DNAH5: variants seen among roughly 807,000 people sequenced by gnomAD.
DNAH5 encodes the protein dynein axonemal heavy chain 5, also known as axonemal beta dynein heavy chain 5.
Under a neutral mutation model 518.2 loss-of-function variants are expected in DNAH5, and 372 were observed. The observed-to-expected ratio is 0.72, with a 90% CI of 0.66 to 0.78. The LOEUF is 0.78. DNAH5 is among the 30% of genes least tolerant of loss of function. The probability of loss-of-function intolerance (pLI) is 0.00; values close to 1 mark genes in which losing one functional copy is unlikely to be tolerated. For missense variants in DNAH5, 5,523 were observed against 5,687.0 expected, an observed-to-expected ratio of 0.97 and a Z score of 0.93; for synonymous variants, 2,039 against 2,025.9, an observed-to-expected ratio of 1.01 and a Z score of -0.17.
At chr5:13,771,225 T>C (rs955522678) in intron 55 of DNAH5, 3 of 492,670 alleles carry the variant, frequency 6.1e-6, no homozygotes, top group African/African-American at 5.8e-5. Context: ...TGCCTGGTGC[T>C]TGTGCAGAGA....
intron 1 of DNAH5, among the ~76,000 whole-genome samples, chr5:14,006,003 C>T (rs2152087469): frequency 1.3e-5 from 2 of 152,228 alleles, no homozygotes; most frequent in Middle Eastern, 6.8e-3. Context: ...CCTGCAGCCC[C>T]CTGTTCCAAA....
intron 58 of DNAH5, among the ~76,000 whole-genome samples, chr5:13,766,591 C>G (rs546469894): frequency 1.3e-5 from 2 of 152,344 alleles, no homozygotes; most frequent in South Asian, 4.1e-4. Flanking sequence ...ATCTGCCTCT[C>G]TCTCTTAAAC....
At chr5:13,808,427 G>A (rs1403910620) in intron 46 of DNAH5, among the ~76,000 whole-genome samples, 2 of 151,982 alleles carry the variant, frequency 1.3e-5, no homozygotes, top group Non-Finnish European at 2.9e-5. Flanking sequence ...CCTAGGCTGC[G>A]GTATTTGGTT....
chr5:13,873,303 T>A (rs993944315), intron 22 of DNAH5, among the ~76,000 whole-genome samples: 1 of 152,184 alleles, frequency 6.6e-6, no homozygotes, highest in African/African-American at 2.4e-5. Context: ...ACTATAGTGT[T>A]ATTAAATATG....
chr5:13,892,407 A>G (rs1773378369), intron 16 of DNAH5, among the ~76,000 whole-genome samples: 1 of 152,210 alleles, frequency 6.6e-6, no homozygotes, highest in African/African-American at 2.4e-5. Flanking sequence ...AGTGTCCCAG[A>G]TTATCTATAC....
intron 25 of DNAH5, among the ~76,000 whole-genome samples, chr5:13,866,953 C>T: frequency 6.6e-6 from 1 of 152,084 alleles, no homozygotes; most frequent in Admixed American, 6.6e-5. Context: ...ATATGGACTC[C>T]GTGGGGGCAA....
intron 1 of DNAH5, among the ~76,000 whole-genome samples, chr5:13,977,854 C>T (rs545717565): frequency 1.3e-5 from 2 of 152,224 alleles, no homozygotes; most frequent in South Asian, 4.2e-4. Flanking sequence ...GATTTTCTTC[C>T]CTTTATCTTA....
chr5:13,721,440 G>A (rs1579908557), intron 70 of DNAH5, among the ~76,000 whole-genome samples, 195 bp from the exon 71 acceptor site: 1 of 152,082 alleles, frequency 6.6e-6, no homozygotes, highest in Admixed American at 6.6e-5. Context: ...AAACTGTGTT[G>A]CTTACCCAGT....
chr5:13,901,483 A>G lies in DNAH5; in HGVS notation c.1821T>C (p.Tyr607=), dbSNP rs1201876255. Residue 607 remains tyrosine, a synonymous_variant, in exon 14 of 79, where the codon TAT becomes TAC. Coordinates refer to ENST00000265104, the MANE Select transcript of DNAH5 (RefSeq NM_001369.3). ...GADIDMISKL[Y]TKQKYDPPLA... is the part of the protein sequence containing the mutation. ...GAGGAGGATCGTATTTCTGCTTTGT[A>G]TACAGCTTTGAAATCATATCAATGT... 1.9e-6 allele frequency: 3 copies of G among 1,613,904 alleles called. No individual in the cohort carries two copies. The South Asian group carries it at 3.3e-5, about 18-fold the overall frequency.
At chr5:13,833,442 C>CAA (rs59325595) in intron 35 of DNAH5, among the ~76,000 whole-genome samples, 9 of 119,578 alleles carry the variant, frequency 7.5e-5, no homozygotes, top group African/African-American at 9.4e-5. Context: ...GACTCCTTCC[C>CAA]AAAAAAAAAA....
At chr5:13,869,896 C>G (rs1194539218) in intron 24 of DNAH5, among the ~76,000 whole-genome samples, 1 of 152,008 alleles carries the variant, frequency 6.6e-6, no homozygotes, top group Non-Finnish European at 1.5e-5. Context: ...AAGGAGACTC[C>G]TTAGAAAGAG....
rs2151960990 is a variant in DNAH5, at chr5:13,900,197, G to C, written c.2259+9C>G. 5 of 1,607,268 alleles carry C rather than the reference G, an allele frequency of 3.1e-6. No homozygotes were observed. The highest frequency in any genetic ancestry group is 4.3e-6 in the Non-Finnish European group (5 of 1,173,892). ...CCAAGAATGGGGGGAAAAAATAAAA[G>C]TAGTATACCTTCATGTTACTGAAGT... On this transcript the variant is annotated intron_variant, in intron 15 of 78. Transcript: ENST00000265104.
chr5:13,767,356 A>G (rs1419766840), intron 58 of DNAH5, among the ~76,000 whole-genome samples: 6 of 152,078 alleles, frequency 3.9e-5, no homozygotes, highest in Non-Finnish European at 7.4e-5. Context: ...AACTCCTGAC[A>G]TCAGGTGATC....
chr5:13,843,961 T>C lies in DNAH5; in HGVS notation c.5271+876A>G, dbSNP rs11957540. Among the ~76,000 whole-genome samples, 1,352 of 152,304 alleles carry C rather than the reference T, an allele frequency of 8.9e-3. 20 individuals carry two copies. Among genetic ancestry groups the C allele is most frequent in the African/African-American group, 0.031 (1,294 of 41,570 alleles). On this transcript the variant is annotated intron_variant, in intron 32 of 78. Transcript: ENST00000265104. ...TACATAAAACTGACTTCAGCGTTGATCATGATACACCCTTCCTGGGAACCC... is the reference window on the plus strand; with the variant it reads ...TACATAAAACTGACTTCAGCGTTGACCATGATACACCCTTCCTGGGAACCC...
intron 2 of DNAH5, among the ~76,000 whole-genome samples, chr5:13,929,818 C>T (rs1439903942): frequency 2.0e-5 from 3 of 152,172 alleles, no homozygotes; most frequent in Non-Finnish European, 4.4e-5. Context: ...GAACTTTTGC[C>T]TGCTTCTTCC....
At chr5:13,947,873 G>A (rs925133760), upstream of DNAH5, among the ~76,000 whole-genome samples, 36 of 152,290 alleles carry the variant, frequency 2.4e-4, no homozygotes, top group African/African-American at 7.5e-4. Context: ...CCCATCAAGC[G>A]CTGCACATTT....
At chr5:13,937,679 T>C (rs1779061845) in intron 1 of DNAH5, among the ~76,000 whole-genome samples, 1 of 85,702 alleles carries the variant, frequency 1.2e-5, no homozygotes, top group Non-Finnish European at 2.3e-5. Context: ...AATATTTGGT[T>C]GTTAAAGAAA....
intron 36 of DNAH5, among the ~76,000 whole-genome samples, 173 bp downstream of exon 36, chr5:13,830,424 G>T (rs1032630186): frequency 6.6e-6 from 1 of 151,434 alleles, no homozygotes; most frequent in Non-Finnish European, 1.5e-5. Context: ...TCAAAAAAAA[G>T]TCAGGAGGAA....
chr5:13,735,047 T>A, intron 68 of DNAH5, 84 bp downstream of exon 68: 1 of 1,318,392 alleles, frequency 7.6e-7, no homozygotes, highest in East Asian at 2.3e-5. Context: ...GCAATTGTTA[T>A]AACCAAAAAA....
Sources: gnomAD v4.1 joint callset for allele counts (sites outside exome capture counted in the v4.1 genomes callset) on GRCh38, gnomAD v4.1.1 for gene constraint, MANE v1.5 for transcripts, NCBI Gene and HGNC (gene_info 2026-07-23, HGNC 2026-07-21) for gene names.